The following TCF20 variants were observed in gnomAD, a reference collection of about 807,000 sequenced individuals.
TCF20 encodes transcription factor 20, also known as SPRE-binding protein.
Under a neutral mutation model 148.6 loss-of-function variants are expected in TCF20, and 3 were observed. That is an observed-to-expected ratio of 0.02 (90% CI 0.01 to 0.05). TCF20 has a LOEUF of 0.05. Among genes scored for constraint, TCF20 ranks in the 10% least tolerant of loss-of-function variants. The pLI is 1.00. For missense variants in TCF20, 2,350 were observed against 2,429.3 expected, an observed-to-expected ratio of 0.97 and a Z score of 0.69; for synonymous variants, 1,049 against 909.5, an observed-to-expected ratio of 1.15 and a Z score of -2.76.
At chr22:42,253,498 G>T (rs2147354935) in intron 1 of TCF20, among the ~76,000 whole-genome samples, 1 of 152,216 alleles carries the variant, frequency 6.6e-6, no homozygotes, top group East Asian at 1.9e-4. Context: ...ACTATAATTA[G>T]ATGTCAATTC....
At chr22:42,232,550 G>A (rs1015935930) in intron 1 of TCF20, among the ~76,000 whole-genome samples, 2 of 152,130 alleles carry the variant, frequency 1.3e-5, no homozygotes, top group Admixed American at 6.5e-5. Context: ...TCGATCGGCC[G>A]GGCGCAGTGG....
At chr22:42,328,053 G>C (rs569744973) in intron 1 of TCF20, among the ~76,000 whole-genome samples, 3 of 151,980 alleles carry the variant, frequency 2.0e-5, no homozygotes, top group African/African-American at 7.3e-5. Context: ...CAGCTGCGAC[G>C]TTACTTTCAC....
chr22:42,226,432 G>T (rs947822592), intron 1 of TCF20, among the ~76,000 whole-genome samples: 4 of 152,218 alleles, frequency 2.6e-5, no homozygotes. Context: ...GCCGGGCCTG[G>T]TGGCTCAAGC....
rs115992573 is a variant in TCF20, at chr22:42,299,656, C to G, written c.-37+43823G>C. Among the ~76,000 whole-genome samples the G allele has an allele frequency of 1.3e-5, 2 of 152,178 alleles. No individual in the cohort carries two copies. ...GTACCTCTCCCCGAACGCAGGCCCC[C>G]CTGCCCGCACCCCAACACTTCAAGA... On this transcript the variant is annotated intron_variant, in intron 1 of 1. Coordinates refer to the TCF20 transcript ENST00000515426. This position sits in a 1 kb window ranked among gnomAD's most constrained non-coding sequence, Gnocchi z 4.1.
At chr22:42,203,313 G>A (rs947156281) in intron 2 of TCF20, among the ~76,000 whole-genome samples, 1 of 151,868 alleles carries the variant, frequency 6.6e-6, no homozygotes, top group African/African-American at 2.4e-5. Flanking sequence ...GCCCAGCCTT[G>A]GCCAAAGAAT....
intron 1 of TCF20, among the ~76,000 whole-genome samples, chr22:42,256,009 C>T (rs1925721092): frequency 6.6e-6 from 1 of 152,126 alleles, no homozygotes; most frequent in Admixed American, 6.5e-5. Context: ...AGCCTTGGTT[C>T]CCAAAAGACC....
At chr22:42,177,649 C>A (rs1473796660) in intron 3 of TCF20, among the ~76,000 whole-genome samples, 1 of 152,110 alleles carries the variant, frequency 6.6e-6, no homozygotes. Context: ...GCAAAACATC[C>A]CCCTATCATC....
chr22:42,283,185 C>G (rs937608422), intron 1 of TCF20, among the ~76,000 whole-genome samples: 1 of 152,268 alleles, frequency 6.6e-6, no homozygotes, highest in Non-Finnish European at 1.5e-5. Context: ...GCCCTCGCTC[C>G]GTGCCCATCG....
chr22:42,203,012 G>A (rs908090774), intron 2 of TCF20, among the ~76,000 whole-genome samples: 2 of 152,190 alleles, frequency 1.3e-5, no homozygotes, highest in African/African-American at 4.8e-5. Flanking sequence ...CATACTATTT[G>A]CTGTTAGCTC....
chr22:42,254,937 G>C (rs1266129145), intron 1 of TCF20, among the ~76,000 whole-genome samples: 1 of 111,158 alleles, frequency 9.0e-6, no homozygotes, highest in African/African-American at 3.9e-5. Flanking sequence ...TCCAGCCTGG[G>C]TGACACAGCA....
chr22:42,272,508 G>A (rs1458141052), upstream of TCF20, among the ~76,000 whole-genome samples: 1 of 152,192 alleles, frequency 6.6e-6, no homozygotes, highest in African/African-American at 2.4e-5. Context: ...GGGGGATGCT[G>A]ACAATCTGTC....
At chr22:42,202,523 C>A (rs1938104432) in intron 2 of TCF20, among the ~76,000 whole-genome samples, 1 of 152,178 alleles carries the variant, frequency 6.6e-6, no homozygotes, top group Non-Finnish European at 1.5e-5. Context: ...CTCACCCAGG[C>A]CTCCCCTCTA....
chr22:42,249,098 T>G (rs1382932042), intron 1 of TCF20, among the ~76,000 whole-genome samples: 1 of 152,218 alleles, frequency 6.6e-6, no homozygotes, highest in Non-Finnish European at 1.5e-5. Flanking sequence ...AGACTTTTCT[T>G]CTGCTGCCTT....
chr22:42,293,607 G>A (rs1285464903), intron 1 of TCF20, among the ~76,000 whole-genome samples: 1 of 152,196 alleles, frequency 6.6e-6, no homozygotes, highest in Non-Finnish European at 1.5e-5. Context: ...GGGGAGGGTA[G>A]GGAGGAGGCC....
rs1010402061 is a variant in TCF20, at chr22:42,297,763, G to T, written c.-37+45716C>A. ...CCCACAAACCACAACAGAAGGCCTC[G>T]GGTCGCATCCCCCCACCAGCTGGGG... On this transcript the variant is annotated intron_variant, in intron 1 of 1. Transcript: ENST00000515426. The surrounding 1 kb of genome is among the most constrained non-coding windows in gnomAD (Gnocchi z 4.3). Among the ~76,000 whole-genome samples the T allele has an allele frequency of 2.0e-5, 3 of 152,156 alleles. No homozygotes were observed. The highest frequency in any genetic ancestry group is 4.4e-5 in the Non-Finnish European group (3 of 68,026).
intron 2 of TCF20, among the ~76,000 whole-genome samples, chr22:42,205,956 T>C (rs1569138344): frequency 1.3e-5 from 2 of 152,066 alleles, no homozygotes; most frequent in Non-Finnish European, 2.9e-5. Flanking sequence ...ATATTTTTAG[T>C]AGACACGGGG....
In TCF20 at chr22:42,161,259, C is replaced by T. The variant is rs1256428437; in HGVS notation, c.*144G>A. ...GGAAGTGCTGGCATGGGCAGGCACG[C>T]GGGCGGGGCGGGGCGGGGCAGGGCA... On this transcript the variant is annotated 3_prime_UTR_variant, in exon 6 of 6. Transcript: ENST00000677622. 3.3e-5 allele frequency: 44 copies of T among 1,315,440 alleles called. No individual in the cohort carries two copies. Among genetic ancestry groups the T allele is most frequent in the East Asian group, 1.3e-4 (3 of 23,628 alleles). 81.5% of individuals were successfully genotyped at this position (1,315,440 alleles called of 1,614,324 possible).
chr22:42,167,723 AT>A (rs1410066333), intron 5 of TCF20, among the ~76,000 whole-genome samples: 2 of 151,192 alleles, frequency 1.3e-5, no homozygotes, highest in South Asian at 2.1e-4. Flanking sequence ...AATCACAAGA[AT>A]TTTTTTTCTT....
chr22:42,287,395 G>C (rs146692224), upstream of TCF20, among the ~76,000 whole-genome samples: 4 of 152,192 alleles, frequency 2.6e-5, no homozygotes, highest in Admixed American at 6.5e-5. Flanking sequence ...GAGTTACCCA[G>C]TCACACCACT....
Sources: gnomAD v4.1 joint callset for allele counts (sites outside exome capture counted in the v4.1 genomes callset) on GRCh38, gnomAD v4.1.1 for gene constraint, Gnocchi (gnomAD v3.1) non-coding constraint, MANE v1.5 for transcripts, NCBI Gene and HGNC (gene_info 2026-07-23, HGNC 2026-07-21) for gene names.